The following SLC22A9 variants were observed in gnomAD, a reference collection of about 807,000 sequenced individuals.
SLC22A9 encodes the protein solute carrier family 22 member 9.
In SLC22A9, 64 loss-of-function variants were observed where a neutral mutation model predicts 50.1. The observed-to-expected ratio is 1.28, with a 90% CI of 1.04 to 1.57. The LOEUF is 1.57. SLC22A9 is among the 40% of genes most tolerant of loss of function. SLC22A9 has a pLI of 0.00. For synonymous variants in SLC22A9, 261 were observed against 242.5 expected (o/e 1.08, Z -0.71); for missense variants, 757 against 676.1 (o/e 1.12, Z -1.33).
chr11:63,378,345 C>G (rs139887652), intron 5 of SLC22A9, among the ~76,000 whole-genome samples: 200 of 152,094 alleles, frequency 1.3e-3, no homozygotes, highest in African/African-American at 4.6e-3. Flanking sequence ...TACAAACCCT[C>G]AACAAACTAG....
At chr11:63,387,013 T>A (rs916821294) in intron 6 of SLC22A9, among the ~76,000 whole-genome samples, 29 of 152,220 alleles carry the variant, frequency 1.9e-4, no homozygotes, top group African/African-American at 6.7e-4. Context: ...TCTTTCTAGC[T>A]TTTTGATGTG....
At chr11:63,388,081 A>AT (rs953713282) in intron 6 of SLC22A9, among the ~76,000 whole-genome samples, 61 of 152,090 alleles carry the variant, frequency 4.0e-4, no homozygotes, top group Non-Finnish European at 1.9e-4. Context: ...GGGTCTTTAG[A>AT]TTTTTCCAAA....
At chr11:63,389,661 T>G (rs1256082037) in intron 6 of SLC22A9, among the ~76,000 whole-genome samples, 1 of 152,218 alleles carries the variant, frequency 6.6e-6, no homozygotes, top group Non-Finnish European at 1.5e-5. Context: ...TGTGTCTTTA[T>G]AGTAGAATGA....
intron 6 of SLC22A9, among the ~76,000 whole-genome samples, chr11:63,385,332 T>C (rs1248415545): frequency 2.0e-5 from 3 of 152,052 alleles, no homozygotes; most frequent in African/African-American, 7.2e-5. Flanking sequence ...CTTTGAAGAA[T>C]GTCAATGGTA....
rs1419973890 is a variant in SLC22A9 at position 63,371,186 on chromosome 11, T to C, written c.454T>C (p.Phe152Leu). Residue 152 changes from phenylalanine to leucine, a missense_variant, in exon 2 of 10, where the codon TTC (phenylalanine) becomes CTC (leucine). Transcript: ENST00000279178. ...ACTGACTTCAGTGGCTAAATTTGTA[T>C]TCATGGCTGGAATGATGGTGGGAGG... is the stretch of plus-strand genomic sequence containing the variant. ...QSLTSVAKFV[F>L]MAGMMVGGIL... is the part of the protein sequence containing the mutation. The C allele has an allele frequency of 1.9e-6, 3 of 1,613,386 alleles. No homozygotes were observed. The highest frequency in any genetic ancestry group is 2.5e-6 in the Non-Finnish European group (3 of 1,179,594).
At chr11:63,379,946 G>A (rs1351971181) in intron 5 of SLC22A9, among the ~76,000 whole-genome samples, 1 of 152,056 alleles carries the variant, frequency 6.6e-6, no homozygotes, top group Non-Finnish European at 1.5e-5. Context: ...TGGCCAGGCT[G>A]GTCTCAAACT....
chr11:63,384,764 A>G (rs2014630768), intron 6 of SLC22A9, among the ~76,000 whole-genome samples: 1 of 152,144 alleles, frequency 6.6e-6, no homozygotes, highest in Non-Finnish European at 1.5e-5. Context: ...CCAACAGTGT[A>G]AAAGCATTAC....
intron 8 of SLC22A9, 82 bp from the exon 9 acceptor site, chr11:63,408,594 A>G (rs2015080660): frequency 5.4e-6 from 7 of 1,296,986 alleles, no homozygotes; most frequent in Admixed American, 1.9e-5. Context: ...ATGTTCCCCC[A>G]TAATTAGAGC....
chr11:63,407,580 T>C (rs550507403), intron 7 of SLC22A9, among the ~76,000 whole-genome samples: 2 of 152,284 alleles, frequency 1.3e-5, no homozygotes, highest in Admixed American at 6.5e-5. Flanking sequence ...TTTCCTCTTT[T>C]CGAGGTCCTT....
In SLC22A9 at chr11:63,374,047, T is replaced by A; in HGVS notation, c.815T>A (p.Ile272Asn). The change falls in exon 4 of 10, where the codon ATC becomes AAC. Residue 272 changes from isoleucine (I) to asparagine (N), a missense_variant. Coordinates refer to ENST00000279178, the MANE Select transcript of SLC22A9 (RefSeq NM_080866.3). ...QLVVSVPYFV[I>N]FLTSSWLLES... ...GTGGTGTCTGTACCATACTTTGTGA[T>A]CTTTCTGACCTCAAGGTATGAGTTT... The A allele has an allele frequency of 6.2e-7, 1 of 1,610,242 alleles. No individual in the cohort carries two copies.
chr11:63,386,985 T>C (rs2014680980), intron 6 of SLC22A9, among the ~76,000 whole-genome samples: 1 of 152,074 alleles, frequency 6.6e-6, no homozygotes, highest in Admixed American at 6.6e-5. Context: ...GTTGTGATGT[T>C]AGGGTGTTGA....
intron 6 of SLC22A9, among the ~76,000 whole-genome samples, chr11:63,406,226 A>G (rs910084989): frequency 6.6e-6 from 1 of 152,216 alleles, no homozygotes; most frequent in Admixed American, 6.5e-5. Context: ...CTGCTTCATA[A>G]GACACAGTCT....
At chr11:63,375,084 C>T (rs920715846) in intron 4 of SLC22A9, among the ~76,000 whole-genome samples, 1 of 152,130 alleles carries the variant, frequency 6.6e-6, no homozygotes, top group Non-Finnish European at 1.5e-5. Flanking sequence ...CCCTGTCAGG[C>T]TCATCCATTC....
At chr11:63,400,762 G>A (rs762263375) in intron 6 of SLC22A9, among the ~76,000 whole-genome samples, 1 of 151,960 alleles carries the variant, frequency 6.6e-6, no homozygotes, top group Non-Finnish European at 1.5e-5. Context: ...CAACAAAATA[G>A]TAGCAAACAA....
intron 6 of SLC22A9, 92 bp from the exon 7 acceptor site, chr11:63,406,405 A>T: frequency 5.3e-6 from 6 of 1,138,530 alleles, no homozygotes; most frequent in Non-Finnish European, 7.7e-6. Flanking sequence ...ATACTTTAAC[A>T]ATCCCTAGCT....
Position 63,382,236 on chromosome 11 carries a change from G to A in SLC22A9, c.1032G>A (p.Met344Ile), listed in dbSNP as rs781196163. Reference sequence around the variant, plus strand: ...CTTCTCTGTGTGAAATGCTCCACATGCCCAACATATGTAAAAGGATCTCCC... The same window carrying A: ...CTTCTCTGTGTGAAATGCTCCACATACCCAACATATGTAAAAGGATCTCCC... ...KKPSLCEMLH[M>I]PNICKRISLL... Residue 344 changes from methionine (M) to isoleucine (I), a missense_variant, in exon 6 of 10, where the codon ATG becomes ATA. Physicochemically the swap from Met to Ile is conservative, Grantham distance 10. Transcript: ENST00000279178. The A allele has an allele frequency of 4.4e-6, 7 of 1,608,864 alleles. No homozygotes were observed. The highest frequency in any genetic ancestry group is 5.9e-6 in the Non-Finnish European group (7 of 1,178,412).
chr11:63,381,856 T>C (rs930262964), intron 5 of SLC22A9, among the ~76,000 whole-genome samples: 3 of 152,198 alleles, frequency 2.0e-5, no homozygotes, highest in Non-Finnish European at 4.4e-5. Context: ...ATTTGGACTG[T>C]AATCTTTATT....
chr11:63,408,501 C>A (rs963755436), intron 8 of SLC22A9, among the ~76,000 whole-genome samples, 175 bp from the exon 9 acceptor site: 1 of 152,158 alleles, frequency 6.6e-6, no homozygotes, highest in African/African-American at 2.4e-5. Context: ...ATCTAATGCA[C>A]TTGTGAACTG....
At chr11:63,395,904 G>A (rs1169952027) in intron 6 of SLC22A9, among the ~76,000 whole-genome samples, 1 of 152,074 alleles carries the variant, frequency 6.6e-6, no homozygotes, top group Non-Finnish European at 1.5e-5. Flanking sequence ...ATAGGGGTGA[G>A]GTTCCCAGGT....
Sources: gnomAD v4.1 joint callset for allele counts (sites outside exome capture counted in the v4.1 genomes callset) on GRCh38, gnomAD v4.1.1 for gene constraint, MANE v1.5 for transcripts, NCBI Gene and HGNC (gene_info 2026-07-23, HGNC 2026-07-21) for gene names.